The following SHISAL1 variants were observed in gnomAD, a reference collection of about 807,000 sequenced individuals.
SHISAL1 encodes shisa like 1, also known as protein shisa-like-1.
SHISAL1 carries 9 observed loss-of-function variants against 22.6 expected under a neutral mutation model. The ratio of observed to expected loss-of-function variants is 0.40; its 90% CI spans 0.24 to 0.70. The LOEUF is 0.70. Ranked by LOEUF, SHISAL1 falls within the 30% of genes least tolerant of loss-of-function variation. The probability of loss-of-function intolerance (pLI) is 0.39; values close to 1 mark genes in which losing one functional copy is unlikely to be tolerated. For missense variants in SHISAL1, 246 were observed against 270.6 expected, an observed-to-expected ratio of 0.91 and a Z score of 0.64; for synonymous variants, 119 against 115.4, an observed-to-expected ratio of 1.03 and a Z score of -0.20.
the SHISAL1 span, among the ~76,000 whole-genome samples, chr22:44,326,705 G>C: frequency 1.3e-5 from 2 of 152,202 alleles, no homozygotes; most frequent in South Asian, 4.1e-4. Flanking sequence ...CCCCAGATGG[G>C]AGGGGAAGGA....
chr22:44,285,953 C>A (rs2055312524), intron 3 of SHISAL1, among the ~76,000 whole-genome samples: 1 of 152,172 alleles, frequency 6.6e-6, no homozygotes, highest in Non-Finnish European at 1.5e-5. Flanking sequence ...ACTGCCCGGG[C>A]CTGGTCCCCA....
intron 3 of SHISAL1, 45 bp downstream of exon 3, chr22:44,296,627 C>T (rs1023325850): frequency 1.3e-6 from 2 of 1,575,752 alleles, no homozygotes; most frequent in South Asian, 1.1e-5. Flanking sequence ...GGCCCCTTGC[C>T]TGGGGCCCGA....
In SHISAL1 at chr22:44,249,387, G is replaced by C. The variant is rs1330232871; in HGVS notation, c.*298C>G. 1.4e-5 allele frequency: 5 copies of C among 346,116 alleles called. No individual in the cohort carries two copies. Among genetic ancestry groups the C allele is most frequent in the African/African-American group, 1.1e-4 (5 of 46,816 alleles). 21.4% of individuals were successfully genotyped at this position (346,116 alleles called of 1,614,324 possible). A position where few individuals can be genotyped will look rare whatever the true frequency, so the allele number is the denominator to read the frequency against. ...GAATCAGCCAGAGTTGCTTTGTCTT[G>C]GTCATCCTGAGTCCACAATGAGTCA... On this transcript the variant is annotated 3_prime_UTR_variant, in exon 5 of 5. Transcript: ENST00000381176.
At chr22:44,301,043 A>G in intron 1 of SHISAL1, 66 bp from the exon 2 acceptor site, 5 of 1,124,654 alleles carry the variant, frequency 4.4e-6, no homozygotes, top group Admixed American at 3.8e-5. Context: ...TTTCCTGCCC[A>G]CAGCGGGGGA....
chr22:44,316,363 T>C (rs73432600), upstream of SHISAL1, among the ~76,000 whole-genome samples: 5,428 of 134,550 alleles, frequency 0.04, 340 homozygotes, highest in African/African-American at 0.14. Context: ...TCCCCGGAAG[T>C]GGCTGCACCA....
the SHISAL1 span, among the ~76,000 whole-genome samples, chr22:44,331,220 C>T: frequency 6.6e-6 from 1 of 152,006 alleles, no homozygotes; most frequent in African/African-American, 2.4e-5. This position sits in a 1 kb window ranked among gnomAD's most constrained non-coding sequence, Gnocchi z 5.2. Flanking sequence ...CTGTCCCGCA[C>T]GGTTCCTGCC....
chr22:44,264,492 C>A (rs1267369716), intron 4 of SHISAL1, among the ~76,000 whole-genome samples: 3 of 152,106 alleles, frequency 2.0e-5, no homozygotes, highest in Admixed American at 2.0e-4. Flanking sequence ...CCATCCCCTG[C>A]AAACCTGTCC....
chr22:44,280,255 G>A (rs750846090), intron 4 of SHISAL1, among the ~76,000 whole-genome samples: 10 of 152,154 alleles, frequency 6.6e-5, no homozygotes, highest in Non-Finnish European at 1.3e-4. Context: ...GCAGTGAGGT[G>A]GGGGGAGGCT....
chr22:44,247,193 C>G lies in SHISAL1; in HGVS notation c.*2492G>C, dbSNP rs1052476134. Reference sequence around the variant, plus strand: ...AGCACCTACAGAGCATTGTCCAGGACAGCAGGACACGAGGGTTGCAAACTC... The same window carrying G: ...AGCACCTACAGAGCATTGTCCAGGAGAGCAGGACACGAGGGTTGCAAACTC... On this transcript the variant is annotated 3_prime_UTR_variant, in exon 5 of 5. Coordinates refer to ENST00000381176, the MANE Select transcript of SHISAL1 (RefSeq NM_001099294.2). 6.6e-6 allele frequency: 1 copy of G among 152,270 alleles called. No individual in the cohort carries two copies. The highest frequency in any genetic ancestry group is 2.4e-5 in the African/African-American group (1 of 41,428). 9.4% of individuals were successfully genotyped at this position (152,270 alleles called of 1,614,324 possible).
chr22:44,331,317 G>A, the SHISAL1 span, among the ~76,000 whole-genome samples: 1 of 142,454 alleles, frequency 7.0e-6, no homozygotes, highest in Non-Finnish European at 1.5e-5. This position sits in a 1 kb window ranked among gnomAD's most constrained non-coding sequence, Gnocchi z 5.2. Flanking sequence ...CTCCCAAAGC[G>A]CCCACCCTTC....
chr22:44,298,383 G>A (rs1379608102), intron 2 of SHISAL1, among the ~76,000 whole-genome samples: 1 of 152,220 alleles, frequency 6.6e-6, no homozygotes, highest in African/African-American at 2.4e-5. Flanking sequence ...AGATTCTCAG[G>A]CCACTGGGCT....
intron 1 of SHISAL1, among the ~76,000 whole-genome samples, chr22:44,306,450 T>C (rs115398074): frequency 0.019 from 1,515 of 79,846 alleles, 40 homozygotes; most frequent in African/African-American, 0.067. Flanking sequence ...GCTGTGATGA[T>C]GATGGTGTGT....
upstream of SHISAL1, among the ~76,000 whole-genome samples, chr22:44,317,818 C>CT (rs909970656): frequency 7.9e-5 from 12 of 152,242 alleles, no homozygotes; most frequent in Admixed American, 6.5e-5. Context: ...CCAGGCTCCA[C>CT]TTTCTGTTGA....
At chr22:44,291,162 TCTC>T (rs2055350092) in intron 3 of SHISAL1, among the ~76,000 whole-genome samples, 1 of 152,156 alleles carries the variant, frequency 6.6e-6, no homozygotes, top group African/African-American at 2.4e-5. Context: ...ACCACTGCCT[TCTC>T]CTTCTACAGC....
chr22:44,299,393 T>A (rs945378584), intron 2 of SHISAL1, among the ~76,000 whole-genome samples: 1 of 152,236 alleles, frequency 6.6e-6, no homozygotes, highest in Non-Finnish European at 1.5e-5. Context: ...GGCAGGCCGC[T>A]TTCCTTCTGA....
intron 4 of SHISAL1, among the ~76,000 whole-genome samples, chr22:44,255,634 T>TGGTCAGCCCC (rs1448932674): frequency 5.9e-5 from 9 of 152,226 alleles, no homozygotes; most frequent in Admixed American, 5.9e-4. Flanking sequence ...TGGTCAGCGC[T>TGGTCAGCCCC]GGTCAGCCCC....
intron 1 of SHISAL1, 133 bp from the exon 2 acceptor site, chr22:44,301,110 G>T: frequency 1.7e-6 from 1 of 584,424 alleles, no homozygotes; most frequent in Non-Finnish European, 3.1e-6. Flanking sequence ...GGCCGGGTGC[G>T]GACGATGGAG....
chr22:44,288,486 A>G (rs8143151), intron 3 of SHISAL1, among the ~76,000 whole-genome samples: 9,965 of 152,098 alleles, frequency 0.066, 826 homozygotes, highest in East Asian at 0.2. Flanking sequence ...AATTAAAAAA[A>G]AAAAAGTTGC....
intron 4 of SHISAL1, among the ~76,000 whole-genome samples, chr22:44,264,730 G>A (rs1171975588): frequency 4.0e-5 from 6 of 150,038 alleles, no homozygotes; most frequent in African/African-American, 1.5e-4. Flanking sequence ...ACACACAAGA[G>A]CCCCAGCAAT....
Sources: allele counts gnomAD v4.1 joint callset (sites outside exome capture counted in the v4.1 genomes callset), GRCh38; gene constraint gnomAD v4.1.1; non-coding constraint Gnocchi (gnomAD v3.1); transcripts MANE v1.5; gene names NCBI Gene and HGNC (gene_info 2026-07-23, HGNC 2026-07-21).